Variants in DNM2 observed in about 807,000 individuals in gnomAD.
DNM2 encodes the protein dynamin-2.
In DNM2, 15 loss-of-function variants were observed where a neutral mutation model predicts 99.0. The observed-to-expected ratio is 0.15, with a 90% confidence interval of 0.10 to 0.23. The LOEUF (loss-of-function observed/expected upper bound fraction) is 0.23, where lower values mean the gene tolerates loss of function less well. Ranked by LOEUF, DNM2 falls within the 10% of genes least tolerant of loss-of-function variation. The probability of loss-of-function intolerance (pLI) is 1.00; values close to 1 mark genes in which losing one functional copy is unlikely to be tolerated. For synonymous variants in DNM2, 525 were observed against 481.2 expected, an observed-to-expected ratio of 1.09 and a Z score of -1.19; for missense variants, 742 against 1,189.4, an observed-to-expected ratio of 0.62 and a Z score of 5.53.
Position 10,796,264 on chromosome 19 carries a change from A to G in DNM2, c.1196+825A>G. 2.5e-6 allele frequency: 4 copies of G among 1,610,396 alleles called. No homozygotes were observed. In the South Asian group the frequency reaches 4.4e-5, roughly 18 times the overall value. ...AACGGGGGTACGGGGGTTTGGTATCAGGCTCCCAGCGCCTCATTGGCCCCC... is the reference window on the plus strand; with the variant it reads ...AACGGGGGTACGGGGGTTTGGTATCGGGCTCCCAGCGCCTCATTGGCCCCC... On this transcript the variant is annotated intron_variant, in intron 9 of 20. Coordinates refer to ENST00000389253, the MANE Select transcript of DNM2 (RefSeq NM_001005361.3). The surrounding 1 kb of genome is among the most constrained non-coding windows in gnomAD (Gnocchi z 5.6).
intron 18 of DNM2, among the ~76,000 whole-genome samples, chr19:10,826,456 AG>A (rs1160794494): frequency 6.6e-6 from 1 of 152,186 alleles, no homozygotes; most frequent in Non-Finnish European, 1.5e-5. Flanking sequence ...GGTTCCCTGG[AG>A]ACTCTCAGGG....
intron 14 of DNM2, chr19:10,810,070 C>T (rs1343904284): frequency 6.6e-6 from 1 of 152,344 alleles, no homozygotes; most frequent in Non-Finnish European, 1.5e-5. Flanking sequence ...GCCGTGGCCT[C>T]TGGGTCTCCC....
rs1288436882 is a variant in DNM2 at position 10,795,759 on chromosome 19, G to A, written c.1196+320G>A. ...CTGCAGATTTGCCTGGGGAGGGGCG[G>A]GGCGGCACTGAATCAGGGTTTTGGG... On this transcript the variant is annotated intron_variant, in intron 9 of 20. Coordinates refer to ENST00000389253, the MANE Select transcript of DNM2 (RefSeq NM_001005361.3). The surrounding 1 kb of genome is among the most constrained non-coding windows in gnomAD (Gnocchi z 4.2). 5.2e-6 allele frequency: 3 copies of A among 581,988 alleles called. No homozygotes were observed. The highest frequency in any genetic ancestry group is 9.2e-6 in the Non-Finnish European group (3 of 327,352). 36.1% of individuals were successfully genotyped at this position (581,988 alleles called of 1,614,324 possible). A position where few individuals can be genotyped will look rare whatever the true frequency, so the allele number is the denominator to read the frequency against.
rs546740582 is a variant in DNM2, at chr19:10,826,534, C to T, written c.2058+1313C>T. Among the ~76,000 whole-genome samples, 17 of 152,320 alleles carry T rather than the reference C, an allele frequency of 1.1e-4. No homozygotes were observed. In the South Asian group the frequency reaches 2.9e-3, roughly 26 times the overall value. On this transcript the variant is annotated intron_variant, in intron 18 of 20. Transcript: ENST00000389253. ...ATCTCCAGCTCAGGCTGCTAGAGGG[C>T]TCAGGGCACTTGTGTATCAGGCCTT... is the stretch of plus-strand genomic sequence containing the variant.
rs1245649991 is a variant in DNM2 at position 10,817,639 on chromosome 19, C to G, written c.1672-2341C>G. The G allele has an allele frequency of 8.5e-6, 2 of 235,026 alleles. No homozygotes were observed. Among genetic ancestry groups the G allele is most frequent in the African/African-American group, 4.8e-5 (2 of 41,868 alleles). 14.6% of individuals were successfully genotyped at this position (235,026 alleles called of 1,614,324 possible). ...CTCTGTCCCTTCTGACGTGGCAAGG[C>G]TGGGGCCGGCTCGCATCTGGAGAAA... On this transcript the variant is annotated intron_variant, in intron 15 of 20. Coordinates refer to ENST00000389253, the MANE Select transcript of DNM2 (RefSeq NM_001005361.3). The surrounding 1 kb of genome is among the most constrained non-coding windows in gnomAD (Gnocchi z 4.6).
rs2073302932 is a variant in DNM2, at chr19:10,830,496, T to C, written c.2543+118T>C. The C allele has an allele frequency of 8.2e-7, 1 of 1,213,148 alleles. No homozygotes were observed. The highest frequency in any genetic ancestry group is 1.2e-6 in the Non-Finnish European group (1 of 867,918). The allele number at this position is 1,213,148 out of a possible 1,614,324, so 75.1% of individuals were successfully genotyped here. On this transcript the variant is annotated intron_variant, in intron 20 of 20. Coordinates refer to ENST00000389253, the MANE Select transcript of DNM2 (RefSeq NM_001005361.3). This position sits in a 1 kb window ranked among gnomAD's most constrained non-coding sequence, Gnocchi z 4.8. ...CCCAGCTGCTGGAGTGGAGGAATCG[T>C]CCTCATCCCTATTTGGCTTGCGAGG... is the stretch of plus-strand genomic sequence containing the variant.
chr19:10,817,592 C>T lies in DNM2; in HGVS notation c.1672-2388C>T, dbSNP rs2072797557. ...CACCTCTGAGCAGCCAAGGAAACCA[C>T]CACTCTTCCCGAGACGATCCGCTCT... On this transcript the variant is annotated intron_variant, in intron 15 of 20. Coordinates refer to ENST00000389253, the MANE Select transcript of DNM2 (RefSeq NM_001005361.3). This position sits in a 1 kb window ranked among gnomAD's most constrained non-coding sequence, Gnocchi z 4.6. 1 of 355,516 alleles carries T rather than the reference C, an allele frequency of 2.8e-6. No homozygotes were observed. Among genetic ancestry groups the T allele is most frequent in the African/African-American group, 2.3e-5 (1 of 44,096 alleles). The allele number at this position is 355,516 out of a possible 1,614,324, so 22.0% of individuals were successfully genotyped here. A position where few individuals can be genotyped will look rare whatever the true frequency, so the allele number is the denominator to read the frequency against.
At chr19:10,762,498 G>C (rs1232327312) in intron 2 of DNM2, among the ~76,000 whole-genome samples, 2 of 152,124 alleles carry the variant, frequency 1.3e-5, no homozygotes, top group Non-Finnish European at 2.9e-5. Flanking sequence ...TCTGGACAGT[G>C]ATGACAATAA....
At chr19:10,777,284 C>A in intron 5 of DNM2, 68 bp downstream of exon 5, 1 of 1,442,252 alleles carries the variant, frequency 6.9e-7, no homozygotes, top group Non-Finnish European at 9.7e-7. Flanking sequence ...GAAACCCCAG[C>A]ACCTGTTCCC....
chr19:10,770,032 T>C lies in DNM2; in HGVS notation c.236-2447T>C, dbSNP rs147624345. Among the ~76,000 whole-genome samples the C allele has an allele frequency of 3.2e-3, 489 of 152,350 alleles. 1 individual carries two copies. Among genetic ancestry groups the C allele is most frequent in the African/African-American group, 0.011 (474 of 41,588 alleles). On this transcript the variant is annotated intron_variant, in intron 2 of 20. Transcript: ENST00000389253. ...CCTTAACCCCTCTGGGCCTCAGTTTTGTCATCTTTGAAATGGGGATCTTAG... is the reference window on the plus strand; with the variant it reads ...CCTTAACCCCTCTGGGCCTCAGTTTCGTCATCTTTGAAATGGGGATCTTAG...
Position 10,816,331 on chromosome 19 carries a change from A to C in DNM2, c.1672-3649A>C, listed in dbSNP as rs2072739578. On this transcript the variant is annotated intron_variant, in intron 15 of 20. Coordinates refer to ENST00000389253, the MANE Select transcript of DNM2 (RefSeq NM_001005361.3). This position sits in a 1 kb window ranked among gnomAD's most constrained non-coding sequence, Gnocchi z 4.6. ...TGTTCCTGAAACCTCAGGAGCCCTG[A>C]GGCTTCTGCGGGACTCTGGGGCGCT... 6.6e-6 allele frequency among the ~76,000 whole-genome samples: 1 copy of C among 152,090 alleles called. No individual in the cohort carries two copies. Among genetic ancestry groups the C allele is most frequent in the African/African-American group, 2.4e-5 (1 of 41,414 alleles).
chr19:10,760,863 G>A (rs1210333719), intron 2 of DNM2, among the ~76,000 whole-genome samples: 2 of 93,334 alleles, frequency 2.1e-5, no homozygotes, highest in African/African-American at 8.0e-5. Context: ...TGGGGGTTAT[G>A]TTACCCAGGC....
intron 13 of DNM2, among the ~76,000 whole-genome samples, chr19:10,807,983 A>C (rs1016038295): frequency 2.0e-5 from 3 of 151,164 alleles, no homozygotes; most frequent in African/African-American, 7.3e-5. Flanking sequence ...TCTCTACTAA[A>C]ATACAAAAAA....
chr19:10,787,785 C>T (rs2064043621), intron 7 of DNM2, among the ~76,000 whole-genome samples: 1 of 151,270 alleles, frequency 6.6e-6, no homozygotes, highest in Admixed American at 6.6e-5. Flanking sequence ...CAAAATTATC[C>T]AGGCATGGTG....
intron 2 of DNM2, among the ~76,000 whole-genome samples, chr19:10,770,153 G>A (rs1373805712): frequency 2.0e-5 from 3 of 152,272 alleles, no homozygotes; most frequent in African/African-American, 2.4e-5. Flanking sequence ...ATGATGGGAC[G>A]GTGAAACTCC....
At chr19:10,730,023 C>A (rs2069257033) in intron 1 of DNM2, among the ~76,000 whole-genome samples, 2 of 152,124 alleles carry the variant, frequency 1.3e-5, no homozygotes. Context: ...CCACCACGCC[C>A]AACTAATGTT....
intron 16 of DNM2, 58 bp from the exon 17 acceptor site, chr19:10,823,729 AG>A (rs542482718): frequency 6.5e-7 from 1 of 1,542,676 alleles, no homozygotes; most frequent in South Asian, 1.1e-5. Flanking sequence ...TCCTCTCGGC[AG>A]TCTGCCAGAC....
intron 13 of DNM2, among the ~76,000 whole-genome samples, chr19:10,806,565 C>T (rs973041564): frequency 3.4e-4 from 52 of 151,224 alleles, no homozygotes; most frequent in Admixed American, 3.0e-3. Flanking sequence ...CTGAGGCGGG[C>T]GGATTGCCTG....
chr19:10,731,065 G>A (rs1343902886), intron 1 of DNM2, among the ~76,000 whole-genome samples: 2 of 152,136 alleles, frequency 1.3e-5, no homozygotes, highest in African/African-American at 4.8e-5. Flanking sequence ...TCAGGGCTGC[G>A]ATCCTGGCGG....
Sources: allele counts gnomAD v4.1 joint callset (sites outside exome capture counted in the v4.1 genomes callset), GRCh38; gene constraint gnomAD v4.1.1; non-coding constraint Gnocchi (gnomAD v3.1); transcripts MANE v1.5; gene names NCBI Gene and HGNC (gene_info 2026-07-23, HGNC 2026-07-21).